The following CCDC146 variants were observed in gnomAD, a reference collection of about 807,000 sequenced individuals.
The protein encoded by CCDC146 is coiled-coil domain containing 146.
CCDC146 carries 92 observed loss-of-function variants against 119.3 expected under a neutral mutation model. That is an observed-to-expected ratio of 0.77 (90% CI 0.65 to 0.92). The LOEUF (loss-of-function observed/expected upper bound fraction) is 0.92, where lower values mean the gene tolerates loss of function less well. Ranked by LOEUF, CCDC146 falls within the 40% of genes least tolerant of loss-of-function variation. The pLI is 0.00. For missense variants in CCDC146, 1,000 were observed against 1,103.0 expected (o/e 0.91, Z 1.32); for synonymous variants, 372 against 371.8 (o/e 1.00, Z -0.01).
intron 15 of CCDC146, among the ~76,000 whole-genome samples, chr7:77,284,988 T>A (rs909895039): frequency 6.6e-6 from 1 of 152,274 alleles, no homozygotes; most frequent in African/African-American, 2.4e-5. Flanking sequence ...GGGTTTGTTT[T>A]TTTTTTAAGT....
chr7:77,202,409 G>A (rs545592610), intron 2 of CCDC146, among the ~76,000 whole-genome samples: 1 of 152,312 alleles, frequency 6.6e-6, no homozygotes, highest in African/African-American at 2.4e-5. Context: ...AGAAATGTGC[G>A]TGTCAAGCAC....
At chr7:77,199,469 G>A (rs771684446) in intron 2 of CCDC146, 1 of 1,613,938 alleles carries the variant, frequency 6.2e-7, no homozygotes, top group Non-Finnish European at 8.5e-7. Flanking sequence ...TTTCTGCCTG[G>A]GTCTCCGTTG....
intron 4 of CCDC146, among the ~76,000 whole-genome samples, chr7:77,244,439 C>A (rs987465211): frequency 6.6e-6 from 1 of 152,184 alleles, no homozygotes; most frequent in Admixed American, 6.5e-5. Context: ...AACTTCCAGT[C>A]CTGCAACCTC....
chr7:77,254,475 CT>C, intron 4 of CCDC146, 30 bp from the exon 5 acceptor site: 1 of 1,249,358 alleles, frequency 8.0e-7, no homozygotes, highest in Non-Finnish European at 1.1e-6. Context: ...TTTCTTTGTA[CT>C]TTTTCAAACT....
chr7:77,289,711 G>T (rs192729754), intron 17 of CCDC146, among the ~76,000 whole-genome samples: 1 of 152,148 alleles, frequency 6.6e-6, no homozygotes, highest in Non-Finnish European at 1.5e-5. Flanking sequence ...AGCTTATGGC[G>T]CCTCCTGCAA....
intron 17 of CCDC146, among the ~76,000 whole-genome samples, chr7:77,289,315 C>T (rs141739343): frequency 2.0e-4 from 31 of 152,322 alleles, no homozygotes; most frequent in African/African-American, 7.0e-4. Context: ...TACATAGCGG[C>T]CGCTTCCCAT....
chr7:77,285,192 T>C (rs1793827635), intron 15 of CCDC146, among the ~76,000 whole-genome samples: 1 of 152,180 alleles, frequency 6.6e-6, no homozygotes, highest in Non-Finnish European at 1.5e-5. Context: ...CTATTTTACA[T>C]AGACAGAGTA....
chr7:77,157,449 A>G (rs1271895853), intron 1 of CCDC146, among the ~76,000 whole-genome samples: 4 of 151,010 alleles, frequency 2.6e-5, no homozygotes, highest in Non-Finnish European at 4.4e-5. Flanking sequence ...CCTTGTAACT[A>G]TCTAGAAATG....
chr7:77,198,688 C>T (rs540480943), intron 2 of CCDC146: 36 of 157,580 alleles, frequency 2.3e-4, no homozygotes, highest in Non-Finnish European at 3.2e-4. Flanking sequence ...CATCTGTAAA[C>T]TCTCCCATTT....
intron 1 of CCDC146, among the ~76,000 whole-genome samples, chr7:77,143,217 T>G (rs976491780): frequency 1.3e-5 from 2 of 151,902 alleles, no homozygotes; most frequent in African/African-American, 4.9e-5. Context: ...TGTCTTCTTT[T>G]GAGAAGTGTC....
intron 6 of CCDC146, chr7:77,257,179 C>T (rs1438899833): frequency 6.6e-6 from 1 of 152,036 alleles, no homozygotes; most frequent in African/African-American, 2.4e-5. Context: ...ATGTCCTAAC[C>T]TCTCACATAT....
rs1468682664 is a variant in CCDC146 at position 77,196,468 on chromosome 7, T to C, written c.156+28644T>C. ...AAAGACATGCATCAAACCACCAGCC[T>C]GAACTGTAGTACAGCCCACAGTTCC... On this transcript the variant is annotated intron_variant, in intron 2 of 18. Transcript: ENST00000285871. The surrounding 1 kb of genome is among the most constrained non-coding windows in gnomAD (Gnocchi z 4.2). 6.2e-7 allele frequency: 1 copy of C among 1,614,168 alleles called. No homozygotes were observed. The highest frequency in any genetic ancestry group is 8.5e-7 in the Non-Finnish European group (1 of 1,180,012).
intron 1 of CCDC146, among the ~76,000 whole-genome samples, chr7:77,127,910 T>C (rs1487502367): frequency 6.6e-6 from 1 of 152,122 alleles, no homozygotes; most frequent in Non-Finnish European, 1.5e-5. Context: ...ATTAATTCCT[T>C]CCCAATCTTT....
intron 2 of CCDC146, among the ~76,000 whole-genome samples, chr7:77,210,523 C>T (rs1037564537): frequency 1.3e-5 from 2 of 152,238 alleles, no homozygotes; most frequent in African/African-American, 4.8e-5. Context: ...TCCTCATCTT[C>T]CTATCTTCTT....
At chr7:77,219,067 T>C (rs1792352063) in intron 2 of CCDC146, among the ~76,000 whole-genome samples, 1 of 152,224 alleles carries the variant, frequency 6.6e-6, no homozygotes, top group African/African-American at 2.4e-5. Context: ...CTTTTTCTGA[T>C]GTAGAAATCT....
intron 1 of CCDC146, among the ~76,000 whole-genome samples, chr7:77,153,348 C>T (rs1228204317): frequency 6.8e-6 from 1 of 147,278 alleles, no homozygotes; most frequent in Non-Finnish European, 1.5e-5. Context: ...AAGATATATA[C>T]ACTAGTATTG....
chr7:77,135,624 T>G (rs974871235), intron 1 of CCDC146, among the ~76,000 whole-genome samples: 2 of 152,214 alleles, frequency 1.3e-5, no homozygotes, highest in African/African-American at 4.8e-5. Flanking sequence ...GCTTAAAGTC[T>G]CAGTTTCTAA....
chr7:77,252,019 C>T (rs1793072050), intron 4 of CCDC146, among the ~76,000 whole-genome samples: 2 of 151,990 alleles, frequency 1.3e-5, no homozygotes, highest in Non-Finnish European at 2.9e-5. Flanking sequence ...CGTGGTGGCA[C>T]GTGCCTATGG....
Position 77,256,324 on chromosome 7 carries a change from CTT to C in CCDC146, c.508-6_508-5del. ...CTATATAACCTAATCATCTTCACGA[CTT>C]TTAAAGGAAATGGAGAAGAAGATGA... On this transcript the variant is annotated splice_polypyrimidine_tract_variant and splice_region_variant and intron_variant, in intron 5 of 18. Transcript: ENST00000285871. The C allele has an allele frequency of 6.3e-7, 1 of 1,581,534 alleles. No individual in the cohort carries two copies. Among genetic ancestry groups the C allele is most frequent in the African/African-American group, 1.4e-5 (1 of 72,986 alleles).
Sources: allele counts gnomAD v4.1 joint callset (sites outside exome capture counted in the v4.1 genomes callset), GRCh38; gene constraint gnomAD v4.1.1; non-coding constraint Gnocchi (gnomAD v3.1); transcripts MANE v1.5; gene names NCBI Gene and HGNC (gene_info 2026-07-23, HGNC 2026-07-21).